The following ARHGAP11B variants were observed in gnomAD, a reference collection of about 807,000 sequenced individuals.
ARHGAP11B encodes Rho GTPase activating protein 11B, also known as inactive Rho GTPase-activating protein 11B.
Under a neutral mutation model 27.6 loss-of-function variants are expected in ARHGAP11B, and 14 were observed. That is an observed-to-expected ratio of 0.51 (90% CI 0.34 to 0.79). The LOEUF is 0.79. Ranked by LOEUF, ARHGAP11B falls within the 30% of genes least tolerant of loss-of-function variation. The probability of loss-of-function intolerance (pLI) is 0.02; values close to 1 mark genes in which losing one functional copy is unlikely to be tolerated. For synonymous variants in ARHGAP11B, 82 were observed against 114.1 expected (o/e 0.72, Z 1.80); for missense variants, 245 against 320.1 (o/e 0.77, Z 1.79).
chr15:30,634,842 G>A (rs1567513392), intron 4 of ARHGAP11B, among the ~76,000 whole-genome samples: 1 of 150,924 alleles, frequency 6.6e-6, no homozygotes, highest in Non-Finnish European at 1.5e-5. Flanking sequence ...CAATTTGTGT[G>A]GAAAAGCAAA....
chr15:30,632,810 C>T (rs890890113), intron 2 of ARHGAP11B, among the ~76,000 whole-genome samples: 2 of 151,926 alleles, frequency 1.3e-5, no homozygotes, highest in African/African-American at 4.8e-5. Flanking sequence ...AAAAAAACCT[C>T]GCCCTGTTTT....
At chr15:30,629,902 T>G (rs1422080265) in intron 1 of ARHGAP11B, among the ~76,000 whole-genome samples, 1 of 152,110 alleles carries the variant, frequency 6.6e-6, no homozygotes, top group African/African-American at 2.4e-5. Flanking sequence ...GGCTTGAATT[T>G]GCCTTTCAGT....
intron 9 of ARHGAP11B, among the ~76,000 whole-genome samples, chr15:30,647,155 C>T (rs533960440): frequency 6.6e-6 from 1 of 151,906 alleles, no homozygotes; most frequent in Non-Finnish European, 1.5e-5. Context: ...TTTTTCCTAT[C>T]CTCTGGGAAT....
chr15:30,636,746 C>T (rs944114250), intron 6 of ARHGAP11B, among the ~76,000 whole-genome samples: 1 of 152,078 alleles, frequency 6.6e-6, no homozygotes, highest in South Asian at 2.1e-4. Flanking sequence ...CCTTTCTTGC[C>T]TCTTCCTGGC....
At chr15:30,647,923 G>A (rs2060361276) in intron 10 of ARHGAP11B, among the ~76,000 whole-genome samples, 2 of 151,766 alleles carry the variant, frequency 1.3e-5, no homozygotes, top group Non-Finnish European at 2.9e-5. Flanking sequence ...ACAATTCTGG[G>A]ATTATCTAAG....
intron 7 of ARHGAP11B, among the ~76,000 whole-genome samples, chr15:30,640,737 G>T (rs1263486277): frequency 1.3e-5 from 2 of 151,744 alleles, no homozygotes; most frequent in African/African-American, 4.8e-5. Context: ...GTTTTATTGA[G>T]AAGTTGAACA....
intron 1 of ARHGAP11B, among the ~76,000 whole-genome samples, chr15:30,630,401 TACTG>T (rs201243620): frequency 0.032 from 4,869 of 152,036 alleles, 260 homozygotes; most frequent in African/African-American, 0.11. Context: ...TTTAAGAATT[TACTG>T]ACTAACCACT....
intron 1 of ARHGAP11B, among the ~76,000 whole-genome samples, chr15:30,629,554 A>G (rs1292824718): frequency 6.6e-6 from 1 of 152,014 alleles, no homozygotes; most frequent in Non-Finnish European, 1.5e-5. Context: ...CTCCGTCTCA[A>G]AAAAAATACA....
exon 6 of ARHGAP11B, chr15:30,635,557 A>G: frequency 1.2e-6 from 2 of 1,613,314 alleles, no homozygotes; most frequent in Non-Finnish European, 1.7e-6. Flanking sequence ...GTGCTACTCC[A>G]TCACTGGAAG....
chr15:30,638,874 A>G, intron 7 of ARHGAP11B, 64 bp downstream of exon 7: 2 of 920,850 alleles, frequency 2.2e-6, no homozygotes, highest in African/African-American at 3.5e-5. Flanking sequence ...AGTATTCTAT[A>G]AAATACAATT....
chr15:30,631,957 T>C lies in ARHGAP11B; in HGVS notation c.200+1184T>C, dbSNP rs555926506. 1.1e-4 allele frequency among the ~76,000 whole-genome samples: 16 copies of C among 148,918 alleles called. No individual in the cohort carries two copies. The East Asian group carries it at 3.3e-3, about 31-fold the overall frequency. On this transcript the variant is annotated intron_variant, in intron 2 of 10. Transcript: ENST00000428041. ...GTCCACCACCACACTTAGCTAATTT[T>C]TGTATTTTAGTAGAGATGGGGTTTC...
chr15:30,638,230 A>G (rs763622963), intron 6 of ARHGAP11B, among the ~76,000 whole-genome samples: 4 of 151,952 alleles, frequency 2.6e-5, no homozygotes, highest in Admixed American at 6.6e-5. Context: ...AAGGTCTTTC[A>G]TAGGATTGCT....
At position 30,630,762 on chromosome 15, in the gene ARHGAP11B, A is replaced by G; in HGVS notation, c.189A>G (p.Gly63=). 3 of 1,610,804 alleles carry G rather than the reference A, an allele frequency of 1.9e-6. 1 individual carries two copies. Among genetic ancestry groups the G allele is most frequent in the Non-Finnish European group, 2.5e-6 (3 of 1,178,372 alleles). ...CCCATTCTGCTGTACCAGAATATGG[A>G]CACATTCCAAGGTAAGCAGAGTTTG... The change falls in exon 2 of 11, where the codon GGA becomes GGG. Residue 63 remains glycine (G), a synonymous_variant. Transcript: ENST00000428041.
chr15:30,626,859 G>T lies in ARHGAP11B; in HGVS notation c.39G>T (p.Gln13His), dbSNP rs776018280. Residue 13 changes from glutamine (Q) to histidine (H), a missense_variant, in exon 1 of 11, where the codon CAG becomes CAT. By Grantham distance (24) the Gln-to-His change is conservative. This residue lies in a region of ARHGAP11B where 107 missense variants were observed against 121.9 expected (regional missense o/e 0.88). Coordinates refer to ENST00000428041, the Ensembl canonical transcript of ARHGAP11B. The stretch of plus-strand genomic sequence containing the variant: ...GGCTGGTGAAGTTGGCCCTGTTGCA[G>T]CATCTGCGGGCCTTCTATGGTATTA... The T allele has an allele frequency of 3.1e-6, 5 of 1,613,726 alleles. No homozygotes were observed. The South Asian group carries it at 4.4e-5, about 14-fold the overall frequency.
intron 4 of ARHGAP11B, among the ~76,000 whole-genome samples, 168 bp from the exon 5 acceptor site, chr15:30,634,912 A>G (rs1023796260): frequency 1.3e-5 from 2 of 151,760 alleles, no homozygotes; most frequent in African/African-American, 4.8e-5. Context: ...GAGAGGCTAT[A>G]TATTTCTGGT....
chr15:30,645,504 C>T lies in ARHGAP11B; in HGVS notation c.*143-610C>T, dbSNP rs145554768. ...TTTATGCAAACCTAGAGAATTATTA[C>T]CTGGAAATACTATTTATTTTTTCTT... On this transcript the variant is annotated intron_variant, in intron 8 of 10. Transcript: ENST00000428041. Among the ~76,000 whole-genome samples, 118 of 151,914 alleles carry T rather than the reference C, an allele frequency of 7.8e-4. 2 individuals are homozygous for T. Among genetic ancestry groups the T allele is most frequent in the African/African-American group, 2.8e-3 (116 of 41,468 alleles).
exon 11 of ARHGAP11B, chr15:30,648,661 G>A (rs974166122): frequency 4.6e-5 from 7 of 151,990 alleles, no homozygotes; most frequent in Admixed American, 2.0e-4. Flanking sequence ...CTTACAATGG[G>A]GTTGGGGTTG....
At chr15:30,626,486 T>G in exon 1 of ARHGAP11B, 1 of 327,112 alleles carries the variant, frequency 3.1e-6, no homozygotes, top group Non-Finnish European at 5.6e-6. Context: ...GTGGAGAGAA[T>G]CTGGCAATAG....
chr15:30,629,530 G>A (rs1475439897), intron 1 of ARHGAP11B, among the ~76,000 whole-genome samples: 1 of 152,008 alleles, frequency 6.6e-6, no homozygotes, highest in Non-Finnish European at 1.5e-5. Flanking sequence ...TCCAGCCTGG[G>A]CCACAAAGTG....
Sources: allele counts gnomAD v4.1 joint callset (sites outside exome capture counted in the v4.1 genomes callset), GRCh38; gene constraint gnomAD v4.1.1; regional missense constraint gnomAD v4.1.1; transcripts MANE v1.5; gene names NCBI Gene and HGNC (gene_info 2026-07-23, HGNC 2026-07-21).